FER: variants seen among roughly 807,000 people sequenced by gnomAD.
FER encodes FER tyrosine kinase.
Under a neutral mutation model 111.0 loss-of-function variants are expected in FER, and 63 were observed. The observed-to-expected ratio is 0.57, with a 90% CI of 0.46 to 0.70. The LOEUF is 0.70. Among genes scored for constraint, FER ranks in the 30% least tolerant of loss-of-function variants. The pLI, the probability that FER is intolerant of heterozygous loss-of-function variation, is 0.00. For missense variants in FER, 914 were observed against 954.0 expected, an observed-to-expected ratio of 0.96 and a Z score of 0.55; for synonymous variants, 327 against 313.9, an observed-to-expected ratio of 1.04 and a Z score of -0.44.
intron 6 of FER, among the ~76,000 whole-genome samples, chr5:108,870,050 A>G (rs1764455659): frequency 6.6e-6 from 1 of 152,124 alleles, no homozygotes; most frequent in Non-Finnish European, 1.5e-5. Flanking sequence ...ACTTTCATTT[A>G]TTAATAGACA....
At chr5:109,077,383 A>T (rs1581925764) in intron 16 of FER, among the ~76,000 whole-genome samples, 2 of 152,212 alleles carry the variant, frequency 1.3e-5, no homozygotes, top group East Asian at 3.8e-4. Context: ...AAAAGCCTTT[A>T]AAAAATACCT....
intron 1 of FER, among the ~76,000 whole-genome samples, chr5:108,759,431 C>G (rs1002762330): frequency 6.6e-6 from 1 of 152,192 alleles, no homozygotes; most frequent in African/African-American, 2.4e-5. Flanking sequence ...TAGCTTCTAC[C>G]CATTACCCAA....
intron 10 of FER, among the ~76,000 whole-genome samples, chr5:108,902,952 T>C (rs1276974512): frequency 1.3e-5 from 2 of 151,918 alleles, no homozygotes; most frequent in East Asian, 3.9e-4. Context: ...CTTCATTCTT[T>C]TTTTAGTTAT....
chr5:108,758,057 G>A (rs79029553), intron 1 of FER, among the ~76,000 whole-genome samples: 2,576 of 152,250 alleles, frequency 0.017, 71 homozygotes, highest in African/African-American at 0.059. Flanking sequence ...GATAGACATG[G>A]CCTTCAATCT....
At chr5:108,939,618 C>G (rs72793930) in intron 10 of FER, among the ~76,000 whole-genome samples, 2 of 151,906 alleles carry the variant, frequency 1.3e-5, no homozygotes, top group African/African-American at 2.4e-5. Context: ...CACTTAGAAT[C>G]TGACTGACTT....
intron 17 of FER, among the ~76,000 whole-genome samples, chr5:109,145,437 A>G (rs774177790): frequency 6.6e-5 from 10 of 152,050 alleles, no homozygotes; most frequent in South Asian, 2.1e-4. Flanking sequence ...AAATTTACCT[A>G]CATATTATGT....
At chr5:108,802,816 T>G (rs1373870401) in intron 3 of FER, among the ~76,000 whole-genome samples, 1 of 152,162 alleles carries the variant, frequency 6.6e-6, no homozygotes, top group Non-Finnish European at 1.5e-5. Context: ...GAAACAGGTG[T>G]CTGTTTGGTA....
At chr5:108,883,322 T>G (rs1765854444) in intron 8 of FER, 74 bp from the exon 9 acceptor site, 1 of 1,384,374 alleles carries the variant, frequency 7.2e-7, no homozygotes, top group Admixed American at 2.3e-5. Context: ...ACATAAGATG[T>G]ATGAATACTT....
chr5:109,034,579 TTTTC>T (rs1218936223), intron 13 of FER, among the ~76,000 whole-genome samples: 4 of 152,148 alleles, frequency 2.6e-5, no homozygotes, highest in Non-Finnish European at 5.9e-5. Flanking sequence ...ACATGGCTTC[TTTTC>T]TTAACCTAGC....
chr5:108,782,831 A>G (rs986305980), intron 2 of FER: 1 of 152,156 alleles, frequency 6.6e-6, no homozygotes, highest in African/African-American at 2.4e-5. Context: ...TTTTCTGCCA[A>G]TAGATGCCTA....
intron 10 of FER, among the ~76,000 whole-genome samples, chr5:108,935,866 T>A (rs931324230): frequency 1.3e-5 from 2 of 152,092 alleles, no homozygotes; most frequent in Non-Finnish European, 2.9e-5. Context: ...GTCTGTATTA[T>A]GAGACCAGAA....
rs373699433 is a variant in FER at position 108,982,714 on chromosome 5, A to G, written c.1656+23367A>G. 8.1e-4 allele frequency among the ~76,000 whole-genome samples: 123 copies of G among 152,132 alleles called. 4 individuals carry two copies. In the South Asian group the frequency reaches 0.024, roughly 30 times the overall value. ...TTCTTAAACCTATGTTTGGTCTGTC[A>G]TATTTTAGGTTGAGTCAAGAAAGCT... On this transcript the variant is annotated intron_variant, in intron 13 of 19. Transcript: ENST00000281092.
rs184839630 is a variant in FER, at chr5:108,791,593, T to C, written c.-59-6531T>C. 3.4e-3 allele frequency among the ~76,000 whole-genome samples: 506 copies of C among 149,834 alleles called. 2 individuals carry two copies. Among genetic ancestry groups the C allele is most frequent in the African/African-American group, 0.012 (482 of 41,010 alleles). On this transcript the variant is annotated intron_variant, in intron 2 of 19. Transcript: ENST00000281092. The stretch of plus-strand genomic sequence containing the variant: ...TATATATGATATATATATATACATA[T>C]ATATATGATTTGTAAATATTTTCTC...
chr5:108,862,476 A>ATG (rs1274549810), intron 5 of FER, among the ~76,000 whole-genome samples: 1 of 152,190 alleles, frequency 6.6e-6, no homozygotes, highest in Non-Finnish European at 1.5e-5. Flanking sequence ...CTCAATGAAA[A>ATG]TGTGTAGAGA....
At chr5:109,146,244 AATC>A (rs1175851570) in intron 17 of FER, among the ~76,000 whole-genome samples, 18 of 67,230 alleles carry the variant, frequency 2.7e-4, no homozygotes, top group Non-Finnish European at 3.4e-4. Context: ...ATATATATAT[AATC>A]TATCTAATAT....
Position 108,844,990 on chromosome 5 carries a change from GTGTGTGTA to G in FER, c.481+9185_481+9192del, listed in dbSNP as rs1488249017. On this transcript the variant is annotated intron_variant, in intron 5 of 19. Transcript: ENST00000281092. ...TTTGGATTGTTCATTGCTGGTGTGT[GTGTGTGTA>G]TATATATATATATATATATATATAT... 2.4e-3 allele frequency among the ~76,000 whole-genome samples: 101 copies of G among 41,740 alleles called. 1 individual carries two copies. Among genetic ancestry groups the G allele is most frequent in the African/African-American group, 6.0e-3 (58 of 9,706 alleles). The allele number at this position is 41,740 out of a possible 152,430, so 27.4% of individuals were successfully genotyped here.
At chr5:109,015,162 G>A (rs374650503) in intron 13 of FER, among the ~76,000 whole-genome samples, 1 of 151,946 alleles carries the variant, frequency 6.6e-6, no homozygotes, top group African/African-American at 2.4e-5. Flanking sequence ...CTTGTTTCTA[G>A]CACATAGTAA....
At chr5:108,804,998 T>G (rs1463036812) in intron 3 of FER, among the ~76,000 whole-genome samples, 1 of 152,042 alleles carries the variant, frequency 6.6e-6, no homozygotes, top group East Asian at 1.9e-4. Context: ...AGGTTTTTTA[T>G]TACTGATTCA....
chr5:109,011,254 G>T (rs755224252), intron 13 of FER, among the ~76,000 whole-genome samples: 20 of 152,164 alleles, frequency 1.3e-4, no homozygotes, highest in Non-Finnish European at 2.8e-4. Context: ...GAGATATTGA[G>T]AAGATGTAAA....
Sources: allele counts gnomAD v4.1 joint callset (sites outside exome capture counted in the v4.1 genomes callset), GRCh38; gene constraint gnomAD v4.1.1; transcripts MANE v1.5; gene names NCBI Gene and HGNC (gene_info 2026-07-23, HGNC 2026-07-21).